The following ULK4 variants were observed in gnomAD, a reference collection of about 807,000 sequenced individuals.
The protein encoded by ULK4 is unc-51 like kinase 4, also known as inactive serine/threonine-protein kinase ULK4.
ULK4 carries 133 observed loss-of-function variants against 160.6 expected under a neutral mutation model. That is an observed-to-expected ratio of 0.83 (90% CI 0.72 to 0.96). ULK4 has a LOEUF of 0.96. Among genes scored for constraint, ULK4 ranks in the 40% least tolerant of loss-of-function variants. The pLI is 0.00. For missense variants in ULK4, 1,580 were observed against 1,499.5 expected (o/e 1.05, Z -0.89); for synonymous variants, 534 against 539.8 (o/e 0.99, Z 0.15).
chr3:41,799,648 G>T (rs1057294499), intron 20 of ULK4, among the ~76,000 whole-genome samples: 1 of 152,110 alleles, frequency 6.6e-6, no homozygotes, highest in African/African-American at 2.4e-5. Context: ...GATTGCTTGA[G>T]GCCAGGAGTT....
At chr3:41,794,326 G>C (rs2040230750) in intron 20 of ULK4, among the ~76,000 whole-genome samples, 1 of 152,050 alleles carries the variant, frequency 6.6e-6, no homozygotes. Flanking sequence ...CCCAGAAAAG[G>C]AACAACAGGA....
intron 2 of ULK4, among the ~76,000 whole-genome samples, chr3:41,940,097 A>G (rs1344975807): frequency 6.6e-6 from 1 of 151,596 alleles, no homozygotes; most frequent in Admixed American, 6.6e-5. Context: ...CACCTGTTTT[A>G]TTTGAGCTCC....
chr3:41,605,051 C>T (rs2032306944), intron 31 of ULK4, among the ~76,000 whole-genome samples: 1 of 151,734 alleles, frequency 6.6e-6, no homozygotes, highest in Non-Finnish European at 1.5e-5. Flanking sequence ...CTACTTTGTC[C>T]AGTAGTCTAT....
chr3:41,543,348 T>G (rs1795342), intron 32 of ULK4, among the ~76,000 whole-genome samples: 77,614 of 151,802 alleles, frequency 0.51, 19,955 homozygotes, highest in Middle Eastern at 0.57. Flanking sequence ...TGTATATATA[T>G]ATTTAATTTA....
chr3:41,456,286 T>C (rs2083550881), intron 33 of ULK4, among the ~76,000 whole-genome samples: 2 of 152,168 alleles, frequency 1.3e-5, no homozygotes, highest in Admixed American at 6.5e-5. Context: ...GTAGTTTGTC[T>C]AACATCTCAC....
intron 27 of ULK4, among the ~76,000 whole-genome samples, chr3:41,697,088 G>A (rs2036527953): frequency 6.6e-6 from 1 of 152,152 alleles, no homozygotes; most frequent in Admixed American, 6.5e-5. Flanking sequence ...AATTTGTGTT[G>A]TTTTAAACCA....
chr3:41,376,671 T>C (rs1039579555), intron 35 of ULK4, among the ~76,000 whole-genome samples: 38 of 149,612 alleles, frequency 2.5e-4, no homozygotes, highest in Non-Finnish European at 4.6e-4. Flanking sequence ...TTACAAGGGA[T>C]GTGAAGGACC....
chr3:41,436,985 C>T (rs1010885225), intron 34 of ULK4, among the ~76,000 whole-genome samples: 2 of 152,186 alleles, frequency 1.3e-5, no homozygotes, highest in African/African-American at 4.8e-5. Context: ...GGAAAAGCAA[C>T]ATACCTACAT....
chr3:41,544,575 A>C (rs1478987409), intron 32 of ULK4, among the ~76,000 whole-genome samples: 1 of 152,162 alleles, frequency 6.6e-6, no homozygotes, highest in Non-Finnish European at 1.5e-5. Context: ...TCCTTCCCTA[A>C]AACTTCTTTT....
At chr3:41,560,434 A>G (rs989227756) in intron 32 of ULK4, among the ~76,000 whole-genome samples, 1 of 152,206 alleles carries the variant, frequency 6.6e-6, no homozygotes, top group East Asian at 1.9e-4. Context: ...ATGACATTGA[A>G]TCTATAAATT....
chr3:41,558,795 A>G (rs2087417564), intron 32 of ULK4, among the ~76,000 whole-genome samples: 1 of 151,912 alleles, frequency 6.6e-6, no homozygotes, highest in African/African-American at 2.4e-5. Context: ...GTGACTTGGT[A>G]ATTTTATTCA....
At chr3:41,516,106 A>G (rs77232687) in intron 32 of ULK4, among the ~76,000 whole-genome samples, 361 of 152,312 alleles carry the variant, frequency 2.4e-3, no homozygotes, top group East Asian at 0.013. Flanking sequence ...AAGATTGAAA[A>G]CCATTTTCAC....
At chr3:41,845,743 T>C (rs1476825825) in intron 17 of ULK4, among the ~76,000 whole-genome samples, 1 of 152,188 alleles carries the variant, frequency 6.6e-6, no homozygotes, top group African/African-American at 2.4e-5. Flanking sequence ...TTCTATATTA[T>C]TTGTAATATA....
intron 35 of ULK4, among the ~76,000 whole-genome samples, chr3:41,367,447 C>T (rs915378744): frequency 6.6e-6 from 1 of 152,156 alleles, no homozygotes; most frequent in Non-Finnish European, 1.5e-5. Context: ...ACAACCCAGT[C>T]CAGAGTTCAG....
chr3:41,914,231 T>C (rs1698894389), intron 8 of ULK4, among the ~76,000 whole-genome samples: 1 of 152,184 alleles, frequency 6.6e-6, no homozygotes, highest in Non-Finnish European at 1.5e-5. Flanking sequence ...CGACTAATCA[T>C]TCAAAATTTC....
chr3:41,479,112 T>A (rs1247087468), intron 32 of ULK4, among the ~76,000 whole-genome samples: 2 of 152,242 alleles, frequency 1.3e-5, no homozygotes, highest in Non-Finnish European at 2.9e-5. Context: ...CCAACTTTAA[T>A]TCAGCACTTG....
intron 22 of ULK4, among the ~76,000 whole-genome samples, chr3:41,719,211 T>C (rs894741036): frequency 6.6e-6 from 1 of 152,202 alleles, no homozygotes; most frequent in Non-Finnish European, 1.5e-5. Flanking sequence ...TGTCTTTTGC[T>C]GGTTCATGCT....
intron 35 of ULK4, among the ~76,000 whole-genome samples, chr3:41,261,395 T>C (rs942258027): frequency 6.6e-6 from 1 of 152,162 alleles, no homozygotes; most frequent in Non-Finnish European, 1.5e-5. Context: ...CAAGGTCAGC[T>C]AGCCAGCAAG....
At chr3:41,790,473 TAA>T (rs553310100) in intron 20 of ULK4, among the ~76,000 whole-genome samples, 69 of 152,336 alleles carry the variant, frequency 4.5e-4, no homozygotes, top group Non-Finnish European at 6.8e-4. Context: ...TAGAATGTAT[TAA>T]GTGTTGGAAT....
Sources: allele counts gnomAD v4.1 joint callset (sites outside exome capture counted in the v4.1 genomes callset), GRCh38; gene constraint gnomAD v4.1.1; transcripts MANE v1.5; gene names NCBI Gene and HGNC (gene_info 2026-07-23, HGNC 2026-07-21).